Variants in CYP2J2 observed in about 807,000 individuals in gnomAD.
CYP2J2 encodes cytochrome P450 2J2.
CYP2J2 carries 41 observed loss-of-function variants against 48.8 expected under a neutral mutation model. The ratio of observed to expected loss-of-function variants is 0.84; its 90% CI spans 0.66 to 1.09. The LOEUF (loss-of-function observed/expected upper bound fraction) is 1.09. Ranked by LOEUF, CYP2J2 falls within the 50% of genes least tolerant of loss-of-function variation. The pLI, the probability that CYP2J2 is intolerant of heterozygous loss-of-function variation, is 0.00. For synonymous variants in CYP2J2, 221 were observed against 227.1 expected, an observed-to-expected ratio of 0.97 and a Z score of 0.24; for missense variants, 644 against 617.3, an observed-to-expected ratio of 1.04 and a Z score of -0.46.
chr1:59,958,732 A>C, the CYP2J2 span, among the ~76,000 whole-genome samples: 1 of 152,138 alleles, frequency 6.6e-6, no homozygotes, highest in African/African-American at 2.4e-5. Flanking sequence ...CCAACACCTT[A>C]ATCACTTAGG....
chr1:59,910,929 G>A (rs1644408800), intron 4 of CYP2J2, among the ~76,000 whole-genome samples: 1 of 152,178 alleles, frequency 6.6e-6, no homozygotes, highest in African/African-American at 2.4e-5. Flanking sequence ...ACACTCTATG[G>A]AATTAGAAGA....
At chr1:59,918,677 A>C (rs1644487294) in intron 1 of CYP2J2, among the ~76,000 whole-genome samples, 1 of 152,058 alleles carries the variant, frequency 6.6e-6, no homozygotes, top group African/African-American at 2.4e-5. Context: ...CACGAAAAAA[A>C]AAAAACCTTA....
chr1:59,945,279 A>G, the CYP2J2 span, among the ~76,000 whole-genome samples: 1 of 152,152 alleles, frequency 6.6e-6, no homozygotes, highest in Non-Finnish European at 1.5e-5. Context: ...TATGAGACGA[A>G]GAGAGAGATC....
At chr1:59,894,217 A>G (rs1644249426) in intron 8 of CYP2J2, among the ~76,000 whole-genome samples, 1 of 152,244 alleles carries the variant, frequency 6.6e-6, no homozygotes, top group African/African-American at 2.4e-5. Flanking sequence ...TCACTTTTTT[A>G]ATCCTTAAAA....
chr1:59,898,362 A>G (rs1644287567), intron 8 of CYP2J2, among the ~76,000 whole-genome samples: 1 of 152,102 alleles, frequency 6.6e-6, no homozygotes, highest in African/African-American at 2.4e-5. Flanking sequence ...TTGCTGGAGG[A>G]TGAGGGATAA....
upstream of CYP2J2, among the ~76,000 whole-genome samples, chr1:59,930,966 A>T (rs1469373719): frequency 6.6e-6 from 1 of 152,182 alleles, no homozygotes; most frequent in Non-Finnish European, 1.5e-5. Flanking sequence ...ACTGCTATAC[A>T]AAGTATTTGT....
At chr1:59,941,757 T>TA in the CYP2J2 span, among the ~76,000 whole-genome samples, 21 of 147,922 alleles carry the variant, frequency 1.4e-4, no homozygotes, top group Admixed American at 1.4e-3. Context: ...TTTAAAAGTT[T>TA]AAAAAAAATA....
intron 1 of CYP2J2, among the ~76,000 whole-genome samples, chr1:59,924,753 C>T (rs1264218323): frequency 6.6e-6 from 1 of 151,288 alleles, no homozygotes; most frequent in Non-Finnish European, 1.5e-5. Context: ...AAAACAGAGG[C>T]ATAAAAAACA....
chr1:59,955,295 T>TATATATATATCC, the CYP2J2 span, among the ~76,000 whole-genome samples: 2 of 108,276 alleles, frequency 1.8e-5, no homozygotes, highest in East Asian at 5.0e-4. Flanking sequence ...TATATATCCA[T>TATATATATATCC]ATATATATAT....
chr1:59,914,904 G>A (rs1379906410), intron 2 of CYP2J2, among the ~76,000 whole-genome samples: 1 of 152,182 alleles, frequency 6.6e-6, no homozygotes, highest in Non-Finnish European at 1.5e-5. Flanking sequence ...TATAAAACCC[G>A]ATTGTACATT....
At chr1:59,913,306 C>T (rs1014352871) in intron 2 of CYP2J2, 20 of 152,118 alleles carry the variant, frequency 1.3e-4, no homozygotes, top group Non-Finnish European at 2.4e-4. Flanking sequence ...TCACCCTATA[C>T]TCTATTTCTG....
chr1:59,907,456 A>G (rs1351960613), intron 6 of CYP2J2, among the ~76,000 whole-genome samples: 2 of 152,204 alleles, frequency 1.3e-5, no homozygotes, highest in African/African-American at 4.8e-5. Context: ...GGAAGGCATC[A>G]CTTAAAAGAA....
the CYP2J2 span, among the ~76,000 whole-genome samples, chr1:59,935,015 CATATATATATATATATATAT>C: frequency 3.4e-4 from 16 of 47,506 alleles, 3 homozygotes; most frequent in Admixed American, 2.6e-3. Flanking sequence ...TATATATATA[CATATATATATATATATATAT>C]ATATATATAT....
chr1:59,926,495 A>G (rs2102143846), intron 1 of CYP2J2, 42 bp downstream of exon 1: 1 of 1,540,344 alleles, frequency 6.5e-7, no homozygotes, highest in Non-Finnish European at 9.0e-7. Context: ...TGCAGAACAG[A>G]GTTAGGGTCA....
rs1417873433 is a variant in CYP2J2 at position 59,912,067 on chromosome 1, G to T, written c.523+95C>A. On this transcript the variant is annotated intron_variant, in intron 3 of 8. Coordinates refer to ENST00000371204, the MANE Select transcript of CYP2J2 (RefSeq NM_000775.4). Reference sequence around the variant, plus strand: ...TTCTATCTTCCATTCCTAGCACAGTGCTGGGCATAGAACAAGCACTTACTC... The same window carrying T: ...TTCTATCTTCCATTCCTAGCACAGTTCTGGGCATAGAACAAGCACTTACTC... 2.3e-6 allele frequency: 3 copies of T among 1,330,598 alleles called. No individual in the cohort carries two copies. The African/African-American group carries it at 4.4e-5, about 20-fold the overall frequency. The allele number at this position is 1,330,598 out of a possible 1,614,324, so 82.4% of individuals were successfully genotyped here.
chr1:59,910,001 G>C, intron 4 of CYP2J2, 41 bp from the exon 5 acceptor site: 1 of 1,487,066 alleles, frequency 6.7e-7, no homozygotes, highest in South Asian at 1.2e-5. Context: ...ATAACATGGT[G>C]CCATTTTTTT....
intron 6 of CYP2J2, among the ~76,000 whole-genome samples, chr1:59,905,411 T>C (rs1436344479): frequency 6.6e-6 from 1 of 152,222 alleles, no homozygotes; most frequent in Non-Finnish European, 1.5e-5. Flanking sequence ...CTCTGGAGTC[T>C]CTTTTATAAC....
the CYP2J2 span, among the ~76,000 whole-genome samples, chr1:59,934,896 G>A: frequency 6.7e-6 from 1 of 149,226 alleles, no homozygotes; most frequent in African/African-American, 2.5e-5. Flanking sequence ...AGAGATAACT[G>A]CATTGCTATA....
At chr1:59,905,143 TG>T in intron 6 of CYP2J2, 85 bp from the exon 7 acceptor site, 1 of 1,360,242 alleles carries the variant, frequency 7.4e-7, no homozygotes, top group Non-Finnish European at 1.0e-6. Context: ...AGATGTCATC[TG>T]TTGTATTTCA....
Sources: allele counts gnomAD v4.1 joint callset (sites outside exome capture counted in the v4.1 genomes callset), GRCh38; gene constraint gnomAD v4.1.1; transcripts MANE v1.5; gene names NCBI Gene and HGNC (gene_info 2026-07-23, HGNC 2026-07-21).